Variants in MACF1 observed in about 807,000 individuals in gnomAD.
MACF1 encodes the protein microtubule actin crosslinking factor 1.
In MACF1, 193 loss-of-function variants were observed where a neutral mutation model predicts 854.8. That is an observed-to-expected ratio of 0.23 (90% confidence interval 0.20 to 0.25). The LOEUF (loss-of-function observed/expected upper bound fraction) is 0.25. Among genes scored for constraint, MACF1 ranks in the 10% least tolerant of loss-of-function variants. The probability of loss-of-function intolerance (pLI) is 1.00; values close to 1 mark genes in which losing one functional copy is unlikely to be tolerated. For synonymous variants in MACF1, 3,185 were observed against 3,226.7 expected, an observed-to-expected ratio of 0.99 and a Z score of 0.44; for missense variants, 7,722 against 8,929.1, an observed-to-expected ratio of 0.86 and a Z score of 5.45.
rs201643105 is a variant in MACF1, at chr1:39,458,423, G to A, written c.21129G>A (p.Lys7043=). 6.2e-7 allele frequency: 1 copy of A among 1,614,120 alleles called. No individual in the cohort carries two copies. The highest frequency in any genetic ancestry group is 1.3e-5 in the African/African-American group (1 of 75,022). The change falls in exon 90 of 101, where the codon AAG becomes AAA. Residue 7043 remains lysine, a synonymous_variant. Coordinates refer to ENST00000564288, the MANE Select transcript of MACF1 (RefSeq NM_001394062.1). The stretch of plus-strand genomic sequence containing the variant: ...AGCCTGACGTGGACCGGGTCACCAA[G>A]ACATACAAAAGGAAAAACATAGAGC... ...RKQPDVDRVT[K]TYKRKNIEPT...
rs776403211 is a variant in MACF1, at chr1:39,380,230, A to G, written c.13519-14A>G. 1 of 1,610,234 alleles carries G rather than the reference A, an allele frequency of 6.2e-7. No individual in the cohort carries two copies. The highest frequency in any genetic ancestry group is 1.3e-5 in the African/African-American group (1 of 74,694). On this transcript the variant is annotated splice_polypyrimidine_tract_variant and intron_variant, in intron 54 of 100. Coordinates refer to ENST00000564288, the MANE Select transcript of MACF1 (RefSeq NM_001394062.1). Reference sequence around the variant, plus strand: ...TCCAGAATCTCATGGCATGCATGGCATTCTTTCTCCTAGGCCTTCCTGGCT... The same window carrying G: ...TCCAGAATCTCATGGCATGCATGGCGTTCTTTCTCCTAGGCCTTCCTGGCT...
At chr1:39,242,242 C>T (rs995167299) in intron 2 of MACF1, among the ~76,000 whole-genome samples, 5 of 151,188 alleles carry the variant, frequency 3.3e-5, no homozygotes, top group African/African-American at 4.9e-5. Flanking sequence ...CCCAGCTACT[C>T]GGGAGGCTGA....
At position 39,427,534 on chromosome 1, in the gene MACF1, G is replaced by C; in HGVS notation, c.16396G>C (p.Val5466Leu). The C allele has an allele frequency of 6.2e-7, 1 of 1,614,026 alleles. No individual in the cohort carries two copies. The highest frequency in any genetic ancestry group is 2.2e-5 in the East Asian group (1 of 44,872). Reference protein sequence around the residue: ...TAEPISDFLSVTEKKLANSEP... With the variant: ...TAEPISDFLSLTEKKLANSEP... ...TGAGCCTATTTCTGACTTCTTATCT[G>C]TCACAGAGAAAAAGCTTGCTAACTC... The change falls in exon 62 of 101, where the codon GTC (valine) becomes CTC (leucine). Residue 5466 changes from valine (V) to leucine (L), a missense_variant. This residue lies in a region of MACF1 where 2,807 missense variants were observed against 3,235.8 expected (regional missense o/e 0.87). Coordinates refer to ENST00000564288, the MANE Select transcript of MACF1 (RefSeq NM_001394062.1).
In MACF1 at chr1:39,380,419, TCAAAG is replaced by T. The variant is rs777634563; in HGVS notation, c.13648+50_13648+54del. The T allele has an allele frequency of 1.0e-5, 16 of 1,564,938 alleles. No homozygotes were observed. In the East Asian group the frequency reaches 2.9e-4, roughly 29 times the overall value. ...TACAAATTTGCTAAGTTACTTGTCT[TCAAAG>T]CAAGTAGAGAATTTCAGCACATCCT... On this transcript the variant is annotated intron_variant, in intron 55 of 100. Transcript: ENST00000564288.
At chr1:39,464,246 T>G (rs900967913) in intron 94 of MACF1, 6 of 153,364 alleles carry the variant, frequency 3.9e-5, no homozygotes, top group African/African-American at 1.2e-4. Flanking sequence ...GTCAGGGACA[T>G]AGAAGGATCT....
Position 39,166,129 on chromosome 1 carries a change from C to A in MACF1, c.221-65053C>A, listed in dbSNP as rs1643879752. 1.3e-5 allele frequency among the ~76,000 whole-genome samples: 2 copies of A among 149,394 alleles called. 1 individual carries two copies. The highest frequency in any genetic ancestry group is 7.1e-3 in the Middle Eastern group (2 of 282). Reference sequence around the variant, plus strand: ...TGTCACCCAGGCTGGGGTGCAATGGCATATCTCTGCTCACTGCAACCTCTG... The same window carrying A: ...TGTCACCCAGGCTGGGGTGCAATGGAATATCTCTGCTCACTGCAACCTCTG... On this transcript the variant is annotated intron_variant, in intron 2 of 93. Transcript: ENST00000361689.
chr1:39,453,661 T>C (rs373037646), intron 87 of MACF1, 46 bp from the exon 88 acceptor site: 1 of 1,565,520 alleles, frequency 6.4e-7, no homozygotes. Context: ...ACAGTGCTGC[T>C]AATGTAGACT....
intron 1 of MACF1, among the ~76,000 whole-genome samples, chr1:39,230,151 T>A (rs1175571810): frequency 6.6e-5 from 10 of 152,142 alleles, no homozygotes; most frequent in Non-Finnish European, 5.9e-5. Context: ...GAGAGACTGA[T>A]AATGGTAAGT....
chr1:39,340,628 G>A lies in MACF1; in HGVS notation c.10342G>A (p.Ala3448Thr). Residue 3448 changes from alanine (A) to threonine (T), a missense_variant, in exon 39 of 101, where the codon GCC (alanine) becomes ACC (threonine). Ala to Thr is a moderately conservative substitution (Grantham distance 58). Coordinates refer to ENST00000564288, the MANE Select transcript of MACF1 (RefSeq NM_001394062.1). ...AQLLKALEKD[A>T]KNLQKSLSSV... ...ACTGTTGAAGGCTCTAGAGAAAGAT[G>A]CCAAGAATCTTCAGAAGTCTCTCAG... 6.2e-7 allele frequency: 1 copy of A among 1,614,202 alleles called. No individual in the cohort carries two copies. Among genetic ancestry groups the A allele is most frequent in the Non-Finnish European group, 8.5e-7 (1 of 1,180,026 alleles).
intron 34 of MACF1, 44 bp from the exon 35 acceptor site, chr1:39,324,602 A>T: frequency 6.7e-7 from 1 of 1,492,970 alleles, no homozygotes; most frequent in Non-Finnish European, 9.2e-7. Flanking sequence ...TTGACTCTTA[A>T]TTCTTGGGTT....
At chr1:39,304,021 T>C (rs951952557) in intron 23 of MACF1, among the ~76,000 whole-genome samples, 16 of 152,140 alleles carry the variant, frequency 1.1e-4, no homozygotes, top group Middle Eastern at 3.4e-3. Context: ...TTCTTTCTTT[T>C]TTTTTTTTTT....
intron 58 of MACF1, among the ~76,000 whole-genome samples, chr1:39,421,580 A>C (rs1643538752): frequency 6.6e-6 from 1 of 152,130 alleles, no homozygotes; most frequent in South Asian, 2.1e-4. Flanking sequence ...GTTTTGACTA[A>C]TTGAGTTATT....
In MACF1 at chr1:39,295,878, T is replaced by G. The variant is rs773913608; in HGVS notation, c.2351T>G (p.Phe784Cys). 6.2e-7 allele frequency: 1 copy of G among 1,613,722 alleles called. No individual in the cohort carries two copies. The highest frequency in any genetic ancestry group is 1.7e-5 in the Admixed American group (1 of 59,984). The part of the protein sequence containing the change: ...EQHVKENTAY[F>C]QFFSDARELE... ...CATGTGAAAGAGAATACTGCTTATT[T>G]TCAGGTGTGATGGATTTCTGTGTTT... The change falls in exon 20 of 101, where the codon TTT becomes TGT. Residue 784 changes from phenylalanine to cysteine, a missense_variant. Physicochemically the swap from Phe to Cys is radical, Grantham distance 205 (BLOSUM62 -2). This residue lies in a region of MACF1 where 1,137 missense variants were observed against 1,263.0 expected (regional missense o/e 0.90). Coordinates refer to ENST00000564288, the MANE Select transcript of MACF1 (RefSeq NM_001394062.1).
At chr1:39,218,423 T>G (rs1644605001) in intron 1 of MACF1, among the ~76,000 whole-genome samples, 1 of 152,176 alleles carries the variant, frequency 6.6e-6, no homozygotes. Context: ...AAATCCAAGT[T>G]ATAGACCTAG....
At position 39,335,521 on chromosome 1, in the gene MACF1, G is replaced by A; in HGVS notation, c.8933G>A (p.Arg2978Lys). ...CGGGTGAAAAGTAAGAGAGAGAAGA[G>A]GGAGGTGATTGTAGAAGAAAGTATC... ...NARVKSKREK[R>K]EVIVEESIRT... Residue 2978 changes from arginine (R) to lysine (K), a missense_variant, in exon 37 of 101, where the codon AGG (arginine) becomes AAG (lysine). This residue lies in a region of MACF1 where 854 missense variants were observed against 852.6 expected (regional missense o/e 1.00). Transcript: ENST00000564288. 6.2e-7 allele frequency: 1 copy of A among 1,614,148 alleles called. No individual in the cohort carries two copies. The highest frequency in any genetic ancestry group is 8.5e-7 in the Non-Finnish European group (1 of 1,180,014).
chr1:39,395,323 G>A (rs1016472999), intron 58 of MACF1, among the ~76,000 whole-genome samples: 1 of 152,192 alleles, frequency 6.6e-6, no homozygotes, highest in Non-Finnish European at 1.5e-5. Context: ...GAATTCAGGT[G>A]GAATAGGTTA....
chr1:39,217,584 C>T (rs1376849885), intron 1 of MACF1, among the ~76,000 whole-genome samples: 1 of 151,986 alleles, frequency 6.6e-6, no homozygotes, highest in Non-Finnish European at 1.5e-5. Context: ...GGGATTAAAA[C>T]AGACTCTAAA....
intron 89 of MACF1, among the ~76,000 whole-genome samples, chr1:39,455,742 GCT>G (rs371092247): frequency 1.6e-3 from 240 of 152,254 alleles, no homozygotes; most frequent in African/African-American, 5.6e-3. Context: ...GGTTCAGAAA[GCT>G]CTCTCGCATG....
intron 1 of MACF1, among the ~76,000 whole-genome samples, chr1:39,208,221 A>C (rs191843430): frequency 7.7e-4 from 113 of 146,088 alleles, no homozygotes; most frequent in African/African-American, 2.8e-3. Context: ...TTTATTTCCT[A>C]TCTTGGCCTT....
Sources: gnomAD v4.1 joint callset for allele counts (sites outside exome capture counted in the v4.1 genomes callset) on GRCh38, gnomAD v4.1.1 for gene constraint, gnomAD v4.1.1 regional missense constraint, MANE v1.5 for transcripts, NCBI Gene and HGNC (gene_info 2026-07-23, HGNC 2026-07-21) for gene names.